Variants in WDR7 observed in about 807,000 individuals in gnomAD.
The protein encoded by WDR7 is WD repeat domain 7.
WDR7 carries 46 observed loss-of-function variants against 169.4 expected under a neutral mutation model. The ratio of observed to expected loss-of-function variants is 0.27; its 90% CI spans 0.21 to 0.35. WDR7 has a LOEUF of 0.35. Ranked by LOEUF, WDR7 falls within the 10% of genes least tolerant of loss-of-function variation. The pLI is 1.00. For missense variants in WDR7, 1,534 were observed against 1,859.3 expected, an observed-to-expected ratio of 0.83 and a Z score of 3.22; for synonymous variants, 612 against 666.8, an observed-to-expected ratio of 0.92 and a Z score of 1.27.
At position 57,010,761 on chromosome 18, in the gene WDR7, A is replaced by G. The variant is rs960494316; in HGVS notation, c.4165-9984A>G. Among the ~76,000 whole-genome samples, 12 of 152,216 alleles carry G rather than the reference A, an allele frequency of 7.9e-5. No homozygotes were observed. The East Asian group carries it at 1.9e-3, about 24-fold the overall frequency. The stretch of plus-strand genomic sequence containing the variant: ...CAGAAGAACAGGGAAGAGCAAGGCT[A>G]GTTCCTGATTATCTGCAGCAAGAAA... On this transcript the variant is annotated intron_variant, in intron 26 of 27. Transcript: ENST00000254442.
At chr18:56,779,386 T>C in intron 17 of WDR7, 45 bp from the exon 18 acceptor site, 1 of 1,496,478 alleles carries the variant, frequency 6.7e-7, no homozygotes, top group South Asian at 1.3e-5. Context: ...ACTTAGGGAA[T>C]GCCAAAATGG....
chr18:56,684,917 G>A (rs2025415391), intron 5 of WDR7, among the ~76,000 whole-genome samples: 1 of 152,098 alleles, frequency 6.6e-6, no homozygotes, highest in Admixed American at 6.6e-5. Context: ...AGGCAATAGG[G>A]AACTAATCAT....
chr18:56,745,479 G>A (rs1243620698), intron 14 of WDR7, among the ~76,000 whole-genome samples: 1 of 152,158 alleles, frequency 6.6e-6, no homozygotes, highest in African/African-American at 2.4e-5. Context: ...GATGAAACTG[G>A]CGTTAGAGTC....
intron 16 of WDR7, among the ~76,000 whole-genome samples, chr18:56,769,887 C>T (rs1343360530): frequency 6.6e-6 from 1 of 152,062 alleles, no homozygotes; most frequent in Non-Finnish European, 1.5e-5. Flanking sequence ...ATCTGAGAAT[C>T]CCTTAAAATT....
chr18:56,787,184 CT>C (rs1287040353), intron 19 of WDR7, among the ~76,000 whole-genome samples: 1 of 151,974 alleles, frequency 6.6e-6, no homozygotes, highest in East Asian at 1.9e-4. Flanking sequence ...CACACTTGCC[CT>C]TCATTTCAGT....
At chr18:56,853,167 A>G (rs1220831061) in intron 20 of WDR7, among the ~76,000 whole-genome samples, 1 of 152,202 alleles carries the variant, frequency 6.6e-6, no homozygotes, top group Non-Finnish European at 1.5e-5. Context: ...AGAAAAGGTA[A>G]AGAAATATGA....
intron 20 of WDR7, among the ~76,000 whole-genome samples, chr18:56,849,119 C>G (rs78252058): frequency 0.015 from 2,224 of 152,256 alleles, 51 homozygotes; most frequent in African/African-American, 0.049. Context: ...TTATCTCTCT[C>G]TCCTTCACAG....
intron 19 of WDR7, among the ~76,000 whole-genome samples, chr18:56,802,393 T>G (rs1383804334): frequency 6.6e-6 from 1 of 152,106 alleles, no homozygotes; most frequent in Admixed American, 6.5e-5. Flanking sequence ...AGTCTCCCTC[T>G]GTTGCCCAGG....
chr18:56,915,306 A>G (rs1366577254), intron 21 of WDR7, among the ~76,000 whole-genome samples: 1 of 152,184 alleles, frequency 6.6e-6, no homozygotes, highest in Admixed American at 6.5e-5. Context: ...TTGTTCTTTG[A>G]TGGACATTAG....
At chr18:56,820,338 T>TAAAA in intron 20 of WDR7, among the ~76,000 whole-genome samples, 1 of 3,122 alleles carries the variant, frequency 3.2e-4, no homozygotes, top group South Asian at 9.8e-3. Context: ...ACTGACATTG[T>TAAAA]CAAAAAAAAA....
intron 14 of WDR7, among the ~76,000 whole-genome samples, chr18:56,751,438 C>T (rs1475261448): frequency 6.6e-6 from 1 of 152,178 alleles, no homozygotes; most frequent in Middle Eastern, 3.2e-3. Context: ...TAGTAATGGT[C>T]TTTATCTTTA....
intron 25 of WDR7, among the ~76,000 whole-genome samples, chr18:56,943,364 C>CT (rs748321042): frequency 1.9e-4 from 28 of 150,920 alleles, no homozygotes; most frequent in Non-Finnish European, 3.2e-4. Flanking sequence ...TGTTTCCTTC[C>CT]TTTTACCTTT....
At chr18:56,660,070 G>A (rs2024871465) in intron 1 of WDR7, among the ~76,000 whole-genome samples, 1 of 152,118 alleles carries the variant, frequency 6.6e-6, no homozygotes, top group Non-Finnish European at 1.5e-5. Flanking sequence ...GGATTGGGAT[G>A]TGGAATGTGT....
chr18:56,823,065 A>G (rs1393776557), intron 20 of WDR7, among the ~76,000 whole-genome samples: 1 of 152,236 alleles, frequency 6.6e-6, no homozygotes, highest in African/African-American at 2.4e-5. Flanking sequence ...CATGAATATT[A>G]AAATACAGAA....
chr18:56,668,435 CT>C (rs1298839721), intron 1 of WDR7, among the ~76,000 whole-genome samples: 1 of 152,176 alleles, frequency 6.6e-6, no homozygotes, highest in East Asian at 1.9e-4. Context: ...GGGAATCCAT[CT>C]TTTGTGTTTC....
At chr18:56,825,460 A>G (rs534306577) in intron 20 of WDR7, among the ~76,000 whole-genome samples, 2 of 152,210 alleles carry the variant, frequency 1.3e-5, no homozygotes, top group Non-Finnish European at 2.9e-5. Flanking sequence ...ATCCTCACAC[A>G]ATTCATGTGA....
intron 13 of WDR7, among the ~76,000 whole-genome samples, chr18:56,730,409 G>C (rs8090857): frequency 0.2 from 29,881 of 152,166 alleles, 3,066 homozygotes; most frequent in Non-Finnish European, 0.23. Flanking sequence ...AGTTTTTGCT[G>C]TGACTTAGAC....
rs140706001 is a variant in WDR7 at position 56,863,541 on chromosome 18, T to C, written c.3305-16403T>C. 3.1e-4 allele frequency among the ~76,000 whole-genome samples: 47 copies of C among 151,782 alleles called. 1 individual carries two copies. The highest frequency in any genetic ancestry group is 3.1e-3 in the Admixed American group (47 of 15,252). On this transcript the variant is annotated intron_variant, in intron 20 of 27. Coordinates refer to ENST00000254442, the MANE Select transcript of WDR7 (RefSeq NM_015285.3). ...TAATTTTATAAATTATTATAGATTA[T>C]ATATTTTTGAAAAAGTATTACATTT... is the stretch of plus-strand genomic sequence containing the variant.
In WDR7 at chr18:56,679,358, T is replaced by C; in HGVS notation, c.186T>C (p.Gly62=). The change falls in exon 3 of 28, where the codon GGT becomes GGC. Residue 62 remains glycine (G), a synonymous_variant. Transcript: ENST00000254442. ...LQINPRALLF[G]HTASITCLSK... ...TTAATCCTCGAGCACTGTTGTTTGG[T>C]CATACAGCATCAATCACTTGTTTGT... 1 of 1,612,258 alleles carries C rather than the reference T, an allele frequency of 6.2e-7. No homozygotes were observed. Among genetic ancestry groups the C allele is most frequent in the Non-Finnish European group, 8.5e-7 (1 of 1,178,476 alleles).
Sources: gnomAD v4.1 joint callset for allele counts (sites outside exome capture counted in the v4.1 genomes callset) on GRCh38, gnomAD v4.1.1 for gene constraint, MANE v1.5 for transcripts, NCBI Gene and HGNC (gene_info 2026-07-23, HGNC 2026-07-21) for gene names.